Variants in NBEAL1 observed in about 807,000 individuals in gnomAD.
NBEAL1 encodes the protein neurobeachin-like protein 1.
Under a neutral mutation model 351.3 loss-of-function variants are expected in NBEAL1, and 273 were observed. That is an observed-to-expected ratio of 0.78 (90% CI 0.70 to 0.86). The LOEUF is 0.86. Among genes scored for constraint, NBEAL1 ranks in the 40% least tolerant of loss-of-function variants. The pLI is 0.00. For synonymous variants in NBEAL1, 1,050 were observed against 1,086.4 expected, an observed-to-expected ratio of 0.97 and a Z score of 0.66; for missense variants, 2,961 against 3,201.3, an observed-to-expected ratio of 0.92 and a Z score of 1.81.
Position 203,172,041 on chromosome 2 carries a change from CT to C in NBEAL1, c.6198+20del. 1 of 1,458,694 alleles carries C rather than the reference CT, an allele frequency of 6.9e-7. No individual in the cohort carries two copies. The highest frequency in any genetic ancestry group is 9.4e-7 in the Non-Finnish European group (1 of 1,069,352). The allele number at this position is 1,458,694 out of a possible 1,614,324, so 90.4% of individuals were successfully genotyped here. On this transcript the variant is annotated intron_variant, in intron 40 of 55. Coordinates refer to ENST00000683969, the MANE Select transcript of NBEAL1 (RefSeq NM_001378026.1). ...ATCCTGTGGTAAGTTTTGCATAAACCTTATAAATGTGGAATTGCCCTACAGT... is the reference window on the plus strand; with the variant it reads ...ATCCTGTGGTAAGTTTTGCATAAACCTATAAATGTGGAATTGCCCTACAGT...
chr2:203,199,544 ATTTT>A (rs373868583), intron 49 of NBEAL1, 97 bp downstream of exon 49: 565 of 477,620 alleles, frequency 1.2e-3, no homozygotes, highest in Middle Eastern at 1.7e-3. Context: ...TGAAAGAAAT[ATTTT>A]TTTTTTTTTT....
chr2:203,098,848 C>T lies in NBEAL1; in HGVS notation c.1186-781C>T, dbSNP rs1023892560. 1.4e-4 allele frequency among the ~76,000 whole-genome samples: 21 copies of T among 152,216 alleles called. 1 individual carries two copies. Among genetic ancestry groups the T allele is most frequent in the African/African-American group, 5.1e-4 (21 of 41,538 alleles). On this transcript the variant is annotated intron_variant, in intron 11 of 55. Coordinates refer to ENST00000683969, the MANE Select transcript of NBEAL1 (RefSeq NM_001378026.1). ...TATAAGTATAATTGATTGGCATATGCACATGCCATCTTAGTTTTAACACAG... is the reference window on the plus strand; with the variant it reads ...TATAAGTATAATTGATTGGCATATGTACATGCCATCTTAGTTTTAACACAG...
chr2:203,190,231 C>T, intron 45 of NBEAL1, 61 bp from the exon 46 acceptor site: 2 of 1,025,120 alleles, frequency 2.0e-6, no homozygotes, highest in Non-Finnish European at 2.9e-6. Flanking sequence ...ATACATTAAT[C>T]AGTGATGTGG....
At chr2:203,161,628 CAAATAAAT>C (rs71928655) in intron 36 of NBEAL1, among the ~76,000 whole-genome samples, 9,696 of 137,030 alleles carry the variant, frequency 0.071, 581 homozygotes, top group African/African-American at 0.15. Flanking sequence ...GACTCCGTCT[CAAATAAAT>C]AAATAAATAA....
chr2:203,156,603 G>A (rs1473477836), intron 35 of NBEAL1, among the ~76,000 whole-genome samples: 1 of 152,146 alleles, frequency 6.6e-6, no homozygotes, highest in South Asian at 2.1e-4. Context: ...TTGTTCTAGG[G>A]AAAATGTGAA....
intron 42 of NBEAL1, among the ~76,000 whole-genome samples, chr2:203,177,882 G>A (rs2064562404): frequency 6.6e-6 from 1 of 151,930 alleles, no homozygotes; most frequent in African/African-American, 2.4e-5. Flanking sequence ...ATCTGGGCGT[G>A]GTCGTGGGTG....
intron 18 of NBEAL1, among the ~76,000 whole-genome samples, chr2:203,117,661 G>C (rs1349428376): frequency 1.3e-5 from 2 of 152,202 alleles, no homozygotes; most frequent in African/African-American, 4.8e-5. Flanking sequence ...AAAGGAAAAA[G>C]GACTTTTTTC....
intron 10 of NBEAL1, among the ~76,000 whole-genome samples, chr2:203,094,562 T>A (rs1204068837): frequency 6.6e-6 from 1 of 152,194 alleles, no homozygotes; most frequent in Non-Finnish European, 1.5e-5. Context: ...CGGCTGCTGT[T>A]TTCATGCTTT....
chr2:203,116,126 T>G, intron 18 of NBEAL1, 56 bp downstream of exon 18: 1 of 1,162,116 alleles, frequency 8.6e-7, no homozygotes, highest in Non-Finnish European at 1.3e-6. Flanking sequence ...TGAACTGCAG[T>G]TCCTTTTCTA....
rs1441945604 is a variant in NBEAL1, at chr2:203,122,224, T to C, written c.2593-30T>C. 5.2e-5 allele frequency: 65 copies of C among 1,258,794 alleles called. 1 individual carries two copies. Among genetic ancestry groups the C allele is most frequent in the Non-Finnish European group, 5.7e-5 (51 of 902,026 alleles). 78.0% of individuals were successfully genotyped at this position (1,258,794 alleles called of 1,614,324 possible). A position where few individuals can be genotyped will look rare whatever the true frequency, so the allele number is the denominator to read the frequency against. Reference sequence around the variant, plus strand: ...TAAATTTATGTTTTGTTCTAATTGGTTGTTTGCCATATTTTTCTTTTATTC... The same window carrying C: ...TAAATTTATGTTTTGTTCTAATTGGCTGTTTGCCATATTTTTCTTTTATTC... On this transcript the variant is annotated intron_variant, in intron 18 of 55. Coordinates refer to ENST00000683969, the MANE Select transcript of NBEAL1 (RefSeq NM_001378026.1).
chr2:203,177,167 A>T (rs79054080), intron 42 of NBEAL1, among the ~76,000 whole-genome samples: 1 of 150,736 alleles, frequency 6.6e-6, no homozygotes, highest in Admixed American at 6.6e-5. Flanking sequence ...AAAAAAAAAA[A>T]GGAAAAGAAA....
Position 203,052,719 on chromosome 2 carries a change from GTTATTTATTTAT to G in NBEAL1, c.305+2771_305+2782del, listed in dbSNP as rs56277425. On this transcript the variant is annotated intron_variant, in intron 4 of 55. Transcript: ENST00000683969. ...CTACAGGTACATGCCACCATGCCCA[GTTATTTATTTAT>G]TTATTTATTTATTTATTTATTTATT... Among the ~76,000 whole-genome samples the G allele has an allele frequency of 4.2e-3, 608 of 145,506 alleles. 1 individual carries two copies. The highest frequency in any genetic ancestry group is 5.2e-3 in the Non-Finnish European group (349 of 66,586).
intron 6 of NBEAL1, among the ~76,000 whole-genome samples, chr2:203,058,331 T>A (rs1338574542): frequency 5.9e-5 from 9 of 152,266 alleles, no homozygotes; most frequent in Non-Finnish European, 1.2e-4. Context: ...GCACCCAGCC[T>A]CCTCACACTT....
At chr2:203,064,599 C>T (rs1028583826) in intron 6 of NBEAL1, among the ~76,000 whole-genome samples, 2 of 152,042 alleles carry the variant, frequency 1.3e-5, no homozygotes, top group African/African-American at 4.8e-5. Flanking sequence ...AGAAAACAAG[C>T]AAATCCCAAG....
chr2:203,162,607 G>A (rs1339814540), intron 36 of NBEAL1, among the ~76,000 whole-genome samples: 1 of 152,010 alleles, frequency 6.6e-6, no homozygotes, highest in Non-Finnish European at 1.5e-5. Flanking sequence ...AACTTGGCAT[G>A]GTGATGTGAG....
intron 36 of NBEAL1, among the ~76,000 whole-genome samples, chr2:203,162,520 A>T (rs2063997581): frequency 1.3e-5 from 2 of 151,974 alleles, no homozygotes; most frequent in South Asian, 4.1e-4. Context: ...AGGTGGACAG[A>T]TCACTTGAGC....
rs992469940 is a variant in NBEAL1, at chr2:203,224,308, G to A, written c.*6954G>A. On this transcript the variant is annotated 3_prime_UTR_variant, in exon 56 of 56. Coordinates refer to ENST00000683969, the MANE Select transcript of NBEAL1 (RefSeq NM_001378026.1). ...TTCTTAGAAAACTATGTGGCTGGTT[G>A]GTTCCATTTAGAAACTCTTAACAGG... Among the ~76,000 whole-genome samples, 2 of 151,996 alleles carry A rather than the reference G, an allele frequency of 1.3e-5. No homozygotes were observed. Among genetic ancestry groups the A allele is most frequent in the African/African-American group, 2.4e-5 (1 of 41,416 alleles).
chr2:203,106,460 T>G (rs1007982623), intron 12 of NBEAL1, among the ~76,000 whole-genome samples: 22 of 152,182 alleles, frequency 1.4e-4, no homozygotes, highest in African/African-American at 5.1e-4. Flanking sequence ...TGTGACTTAA[T>G]CTCCATCTAA....
chr2:203,056,382 G>T (rs1303219788), intron 4 of NBEAL1, 45 bp from the exon 5 acceptor site: 2 of 1,026,050 alleles, frequency 1.9e-6, no homozygotes, highest in African/African-American at 3.2e-5. Flanking sequence ...CATATGTTTT[G>T]TTCACCATTC....
Sources: gnomAD v4.1 joint callset for allele counts (sites outside exome capture counted in the v4.1 genomes callset) on GRCh38, gnomAD v4.1.1 for gene constraint, MANE v1.5 for transcripts, NCBI Gene and HGNC (gene_info 2026-07-23, HGNC 2026-07-21) for gene names.